Variants in EXOC4 observed in about 807,000 individuals in gnomAD.
EXOC4 encodes the protein SEC8-like 1.
EXOC4 carries 71 observed loss-of-function variants against 107.2 expected under a neutral mutation model. The observed-to-expected ratio is 0.66, with a 90% CI of 0.55 to 0.81. The LOEUF (loss-of-function observed/expected upper bound fraction) is 0.81. Ranked by LOEUF, EXOC4 falls within the 30% of genes least tolerant of loss-of-function variation. The pLI, the probability that EXOC4 is intolerant of heterozygous loss-of-function variation, is 0.00. For missense variants in EXOC4, 1,108 were observed against 1,189.6 expected (o/e 0.93, Z 1.01); for synonymous variants, 456 against 441.2 (o/e 1.03, Z -0.42).
intron 17 of EXOC4, among the ~76,000 whole-genome samples, chr7:134,035,250 G>T (rs1795363115): frequency 6.6e-6 from 1 of 151,868 alleles, no homozygotes; most frequent in Admixed American, 6.6e-5. Context: ...TCTGTCTGTT[G>T]GTCAGGCTGG....
chr7:133,596,072 C>T (rs1040185044), intron 9 of EXOC4, among the ~76,000 whole-genome samples: 2 of 152,194 alleles, frequency 1.3e-5, no homozygotes, highest in Non-Finnish European at 2.9e-5. Context: ...TTTCCGCTTC[C>T]GCCCTTGTCT....
intron 9 of EXOC4, among the ~76,000 whole-genome samples, chr7:133,560,457 A>T (rs1162125742): frequency 6.6e-6 from 1 of 151,744 alleles, no homozygotes; most frequent in Non-Finnish European, 1.5e-5. Flanking sequence ...GCTAATTTTT[A>T]TATTTTTAGT....
intron 1 of EXOC4, among the ~76,000 whole-genome samples, chr7:133,265,623 G>A (rs944084364): frequency 1.8e-4 from 27 of 152,060 alleles, no homozygotes; most frequent in African/African-American, 6.5e-4. Context: ...AGTGATTTTT[G>A]GATATGTGAA....
chr7:133,391,299 G>A (rs964947079), intron 7 of EXOC4, among the ~76,000 whole-genome samples: 5 of 152,208 alleles, frequency 3.3e-5, no homozygotes, highest in Admixed American at 6.5e-5. Flanking sequence ...AGCTCAGCAC[G>A]AATTAGCCAG....
intron 13 of EXOC4, among the ~76,000 whole-genome samples, chr7:133,926,382 C>T (rs542382587): frequency 9.9e-5 from 15 of 152,248 alleles, no homozygotes; most frequent in Admixed American, 2.6e-4. Context: ...TCATCATAAT[C>T]TTGACTGATA....
intron 9 of EXOC4, among the ~76,000 whole-genome samples, chr7:133,496,496 G>T (rs2150881312): frequency 6.6e-6 from 1 of 152,222 alleles, no homozygotes; most frequent in Admixed American, 6.5e-5. Context: ...CAGTGATCTT[G>T]TATTCCTTCT....
At chr7:133,605,014 C>G (rs1801905687) in intron 9 of EXOC4, among the ~76,000 whole-genome samples, 1 of 152,014 alleles carries the variant, frequency 6.6e-6, no homozygotes, top group Non-Finnish European at 1.5e-5. Context: ...CATGAGCCAC[C>G]ACACCCAGCC....
chr7:133,707,628 T>G (rs1794796987), intron 10 of EXOC4, among the ~76,000 whole-genome samples: 3 of 152,210 alleles, frequency 2.0e-5, no homozygotes, highest in African/African-American at 7.2e-5. Context: ...TTTATTTATT[T>G]TTTTTGAGAT....
At chr7:133,870,247 C>T (rs1798724340) in intron 11 of EXOC4, among the ~76,000 whole-genome samples, 1 of 152,078 alleles carries the variant, frequency 6.6e-6, no homozygotes, top group South Asian at 2.1e-4. Context: ...CACACATCTC[C>T]CTACCTCCAT....
chr7:133,550,158 C>T (rs550109589), intron 9 of EXOC4, among the ~76,000 whole-genome samples: 7 of 152,192 alleles, frequency 4.6e-5, no homozygotes, highest in Admixed American at 4.6e-4. Context: ...AGAGGTGTTA[C>T]GTAGGAAATC....
At chr7:133,530,748 G>A (rs1218190724) in intron 9 of EXOC4, among the ~76,000 whole-genome samples, 3 of 152,130 alleles carry the variant, frequency 2.0e-5, no homozygotes, top group Non-Finnish European at 2.9e-5. Context: ...GGAACCTAGG[G>A]GTTTTGAGAG....
rs565428317 is a variant in EXOC4 at position 133,896,091 on chromosome 7, C to G, written c.1871+356C>G. Among the ~76,000 whole-genome samples, 6 of 152,298 alleles carry G rather than the reference C, an allele frequency of 3.9e-5. No individual in the cohort carries two copies. The South Asian group carries it at 1.2e-3, about 32-fold the overall frequency. ...ATCCTTAAAGTAGAGCAATTTGAAA[C>G]TCTTAATAATCTTTAATAGTGTTTC... On this transcript the variant is annotated intron_variant, in intron 12 of 17. Transcript: ENST00000253861.
intron 7 of EXOC4, among the ~76,000 whole-genome samples, chr7:133,379,489 A>G (rs961006334): frequency 1.3e-5 from 2 of 152,170 alleles, no homozygotes; most frequent in Non-Finnish European, 2.9e-5. Context: ...AATAGCTAGT[A>G]TTACACAAAT....
chr7:133,694,679 G>C (rs1238263227), intron 10 of EXOC4, among the ~76,000 whole-genome samples: 1 of 152,088 alleles, frequency 6.6e-6, no homozygotes, highest in African/African-American at 2.4e-5. Flanking sequence ...AGGTAATTGG[G>C]ATATCTGTCA....
chr7:133,818,861 A>G (rs1048612340), intron 11 of EXOC4, among the ~76,000 whole-genome samples: 3 of 152,104 alleles, frequency 2.0e-5, no homozygotes, highest in Non-Finnish European at 4.4e-5. Context: ...TCCATTGTCA[A>G]TACTGAGGCC....
At chr7:133,762,976 G>A (rs1467554931) in intron 10 of EXOC4, among the ~76,000 whole-genome samples, 1 of 152,038 alleles carries the variant, frequency 6.6e-6, no homozygotes, top group Non-Finnish European at 1.5e-5. Context: ...ATTTACAAGT[G>A]TTGTATACCG....
the EXOC4 span, among the ~76,000 whole-genome samples, chr7:134,082,403 T>C: frequency 2.0e-5 from 3 of 152,192 alleles, no homozygotes; most frequent in Non-Finnish European, 4.4e-5. Flanking sequence ...TTGGTTTTCG[T>C]TGGTTTTAGC....
the EXOC4 span, among the ~76,000 whole-genome samples, chr7:134,086,044 C>T: frequency 5.9e-5 from 9 of 152,074 alleles, no homozygotes; most frequent in Admixed American, 1.3e-4. Context: ...TAACAGTACC[C>T]CTTGGCTAAG....
chr7:134,052,875 C>T (rs941972881), intron 17 of EXOC4, among the ~76,000 whole-genome samples: 5 of 152,140 alleles, frequency 3.3e-5, no homozygotes, highest in African/African-American at 1.2e-4. Context: ...TTTCCATTAG[C>T]GACCATTATC....
Sources: gnomAD v4.1 joint callset for allele counts (sites outside exome capture counted in the v4.1 genomes callset) on GRCh38, gnomAD v4.1.1 for gene constraint, MANE v1.5 for transcripts, NCBI Gene and HGNC (gene_info 2026-07-23, HGNC 2026-07-21) for gene names.